The following SYNE2 variants were observed in gnomAD, a reference collection of about 807,000 sequenced individuals.
SYNE2 encodes spectrin repeat containing nuclear envelope protein 2.
Under a neutral mutation model 856.3 loss-of-function variants are expected in SYNE2, and 431 were observed. The observed-to-expected ratio is 0.50, with a 90% CI of 0.47 to 0.55. The LOEUF (loss-of-function observed/expected upper bound fraction) is 0.55. Among genes scored for constraint, SYNE2 ranks in the 20% least tolerant of loss-of-function variants. The probability of loss-of-function intolerance (pLI) is 0.00; values close to 1 mark genes in which losing one functional copy is unlikely to be tolerated. For synonymous variants in SYNE2, 2,923 were observed against 2,872.3 expected (o/e 1.02, Z -0.56); for missense variants, 8,129 against 8,023.2 (o/e 1.01, Z -0.50).
chr14:63,829,178 C>T (rs903571741), intron 1 of SYNE2, among the ~76,000 whole-genome samples: 2 of 151,770 alleles, frequency 1.3e-5, no homozygotes, highest in African/African-American at 4.8e-5. Context: ...TTTAGGAGGT[C>T]GAGGTGGGAG....
At chr14:64,018,358 G>A (rs2096910470) in intron 34 of SYNE2, among the ~76,000 whole-genome samples, 1 of 152,126 alleles carries the variant, frequency 6.6e-6, no homozygotes, top group Admixed American at 6.5e-5. Context: ...TCCTGCCTCA[G>A]CCTCCTGAGT....
chr14:64,180,745 C>A (rs551527912), intron 96 of SYNE2, among the ~76,000 whole-genome samples: 13 of 152,150 alleles, frequency 8.5e-5, no homozygotes, highest in Non-Finnish European at 1.8e-4. Flanking sequence ...CTCAGGTGAT[C>A]CACCTGCTTT....
intron 2 of SYNE2, among the ~76,000 whole-genome samples, chr14:63,914,617 A>G (rs1231292642): frequency 6.6e-6 from 1 of 152,202 alleles, no homozygotes; most frequent in Non-Finnish European, 1.5e-5. Context: ...TGAGTGTGAA[A>G]GTATGGACAG....
At chr14:64,043,211 T>A (rs1464913488) in intron 45 of SYNE2, among the ~76,000 whole-genome samples, 1 of 152,148 alleles carries the variant, frequency 6.6e-6, no homozygotes, top group Non-Finnish European at 1.5e-5. Flanking sequence ...CAACAAAGCA[T>A]TCAAGAGGAA....
intron 53 of SYNE2, 127 bp downstream of exon 53, chr14:64,074,263 T>A: frequency 1.1e-6 from 1 of 906,556 alleles, no homozygotes; most frequent in Non-Finnish European, 1.8e-6. Flanking sequence ...GAGAGAGGCA[T>A]AGGCAAAGGC....
chr14:64,014,659 C>G (rs1238082785), intron 32 of SYNE2, among the ~76,000 whole-genome samples: 1 of 142,032 alleles, frequency 7.0e-6, no homozygotes, highest in East Asian at 1.9e-4. Flanking sequence ...GAACTCCTGA[C>G]CTTGTGATCC....
rs1036206452 is a variant in SYNE2 at position 63,772,443 on chromosome 14, T to C, written c.-305+10457T>C. Among the ~76,000 whole-genome samples, 5 of 152,066 alleles carry C rather than the reference T, an allele frequency of 3.3e-5. No homozygotes were observed. In the East Asian group the frequency reaches 7.7e-4, roughly 24 times the overall value. On this transcript the variant is annotated intron_variant, in intron 1 of 23. Coordinates refer to the SYNE2 transcript ENST00000674003. ...CCTATTAGCAATACATCTTTTACTT[T>C]TAAGAAATCTAAGCTATAGGTCAGG...
At chr14:63,776,952 T>C (rs1437646236) in intron 1 of SYNE2, among the ~76,000 whole-genome samples, 1 of 152,226 alleles carries the variant, frequency 6.6e-6, no homozygotes, top group Non-Finnish European at 1.5e-5. Context: ...TTCACCATTC[T>C]TCTATAGGCA....
At chr14:63,789,774 CAAA>C (rs34875863) in intron 1 of SYNE2, among the ~76,000 whole-genome samples, 1 of 121,818 alleles carries the variant, frequency 8.2e-6, no homozygotes, top group Admixed American at 8.6e-5. Context: ...AGACTTGTCT[CAAA>C]AAAAAAAAAA....
At chr14:64,090,831 T>C (rs1166237433) in intron 59 of SYNE2, 35 bp from the exon 60 acceptor site, 2 of 1,589,136 alleles carry the variant, frequency 1.3e-6, no homozygotes, top group Non-Finnish European at 1.7e-6. Flanking sequence ...CATTGTCTTT[T>C]CATTTCTGTA....
intron 99 of SYNE2, among the ~76,000 whole-genome samples, chr14:64,200,820 T>TTTTTTTTTTTTTTTTTTTTTTTTTTTTG (rs2098558493): frequency 6.6e-6 from 1 of 152,108 alleles, no homozygotes; most frequent in African/African-American, 2.4e-5. Context: ...GTACTACTGT[T>TTTTTTTTTTTTTTTTTTTTTTTTTTTTG]AACACCATTT....
Position 64,098,121 on chromosome 14 carries a change from CAG to C in SYNE2, c.12286_12287del (p.Arg4096GlyfsTer4). ...GTAACATCAGAGGAAGGTGGAGTGG[CAG>C]AGAGGGATGCTTCTGAGCGGAAGGT... On this transcript the variant is annotated frameshift_variant, in exon 62 of 116. Coordinates refer to ENST00000555002, the MANE Select transcript of SYNE2 (RefSeq NM_182914.3). LOFTEE classifies it high-confidence loss of function. 2 of 1,614,004 alleles carry C rather than the reference CAG, an allele frequency of 1.2e-6. No homozygotes were observed. The highest frequency in any genetic ancestry group is 8.5e-7 in the Non-Finnish European group (1 of 1,179,968).
chr14:63,832,353 C>T (rs1889701915), intron 1 of SYNE2, among the ~76,000 whole-genome samples: 1 of 151,748 alleles, frequency 6.6e-6, no homozygotes, highest in Admixed American at 6.6e-5. Flanking sequence ...GTTGCCCAGG[C>T]TGGTCTGGAA....
chr14:64,033,161 T>C (rs8011969), intron 45 of SYNE2, among the ~76,000 whole-genome samples: 120,479 of 151,704 alleles, frequency 0.79, 48,799 homozygotes, highest in Non-Finnish European at 0.88. Context: ...GCACAACACC[T>C]TGGTCTCTAA....
At chr14:63,860,629 A>G (rs1893293789) in intron 1 of SYNE2, among the ~76,000 whole-genome samples, 1 of 152,242 alleles carries the variant, frequency 6.6e-6, no homozygotes, top group African/African-American at 2.4e-5. Context: ...CTCTGGTTCC[A>G]GCTGACTTTT....
intron 80 of SYNE2, among the ~76,000 whole-genome samples, chr14:64,141,004 C>T (rs1413237819): frequency 6.6e-6 from 1 of 151,976 alleles, no homozygotes; most frequent in Non-Finnish European, 1.5e-5. Flanking sequence ...AAGATTTAAA[C>T]ATTTTAATTA....
chr14:64,028,897 G>T (rs1296800960), intron 43 of SYNE2, among the ~76,000 whole-genome samples: 1 of 152,174 alleles, frequency 6.6e-6, no homozygotes, highest in African/African-American at 2.4e-5. Flanking sequence ...CAGCACGTTG[G>T]GAGGCTGAGG....
rs745320786 is a variant in SYNE2 at position 64,202,880 on chromosome 14, C to T, written c.18118C>T (p.Arg6040Ter). ...NMSNLRTWLA[R>*]IESELSKPVV... ...GAGCAACCTTCGCACCTGGTTGGCT[C>T]GAATTGAGTCTGAGCTTTCCAAGCC... Residue 6040 changes from arginine (R) to a stop codon, truncating the protein, a stop_gained, in exon 100 of 116, where the codon CGA becomes TGA. Coordinates refer to ENST00000555002, the MANE Select transcript of SYNE2 (RefSeq NM_182914.3). LOFTEE classifies it high-confidence loss of function. 7 of 1,614,072 alleles carry T rather than the reference C, an allele frequency of 4.3e-6. No homozygotes were observed. The highest frequency in any genetic ancestry group is 2.2e-5 in the East Asian group (1 of 44,888).
chr14:64,138,021 C>A, intron 79 of SYNE2, 38 bp downstream of exon 79: 1 of 1,593,852 alleles, frequency 6.3e-7, no homozygotes, highest in Non-Finnish European at 8.5e-7. Flanking sequence ...TCATATTGTG[C>A]TGTGAAGAAA....
Sources: gnomAD v4.1 joint callset for allele counts (sites outside exome capture counted in the v4.1 genomes callset) on GRCh38, gnomAD v4.1.1 for gene constraint, MANE v1.5 for transcripts, NCBI Gene and HGNC (gene_info 2026-07-23, HGNC 2026-07-21) for gene names.